The following HNF4G variants were observed in gnomAD, a reference collection of about 807,000 sequenced individuals.
HNF4G encodes hepatocyte nuclear factor 4-gamma.
HNF4G carries 21 observed loss-of-function variants against 50.9 expected under a neutral mutation model. The ratio of observed to expected loss-of-function variants is 0.41; its 90% CI spans 0.29 to 0.59. The LOEUF (loss-of-function observed/expected upper bound fraction) is 0.59, where lower values mean the gene tolerates loss of function less well. HNF4G is among the 20% of genes least tolerant of loss of function. The probability of loss-of-function intolerance (pLI) is 0.26; values close to 1 mark genes in which losing one functional copy is unlikely to be tolerated. For synonymous variants in HNF4G, 198 were observed against 185.6 expected (o/e 1.07, Z -0.54); for missense variants, 527 against 559.4 (o/e 0.94, Z 0.58).
chr8:75,554,577 C>T (rs532870273), intron 5 of HNF4G, among the ~76,000 whole-genome samples: 10 of 151,980 alleles, frequency 6.6e-5, no homozygotes, highest in Non-Finnish European at 1.0e-4. Flanking sequence ...TAAAACTGAA[C>T]CCTAGATCAG....
intron 1 of HNF4G, among the ~76,000 whole-genome samples, chr8:75,473,972 G>T (rs1177751049): frequency 1.3e-5 from 2 of 152,038 alleles, no homozygotes; most frequent in Admixed American, 6.6e-5. Flanking sequence ...AACAAAGAAA[G>T]CATTAAGAGA....
intron 2 of HNF4G, among the ~76,000 whole-genome samples, chr8:75,501,343 G>A (rs1256638009): frequency 6.6e-6 from 1 of 152,142 alleles, no homozygotes; most frequent in African/African-American, 2.4e-5. Flanking sequence ...CTACTTGGGA[G>A]GCTGAGGCCA....
At chr8:75,415,624 C>T (rs987902627) in intron 1 of HNF4G, among the ~76,000 whole-genome samples, 6 of 152,130 alleles carry the variant, frequency 3.9e-5, no homozygotes, top group South Asian at 2.1e-4. Flanking sequence ...TTTATATACA[C>T]GGTCTACAGT....
chr8:75,556,352 A>G (rs1807125932), intron 6 of HNF4G, among the ~76,000 whole-genome samples: 1 of 152,202 alleles, frequency 6.6e-6, no homozygotes, highest in Non-Finnish European at 1.5e-5. Context: ...AAATTATATC[A>G]GAATGAATAA....
In HNF4G at chr8:75,551,434, T is replaced by C; in HGVS notation, c.429T>C (p.Phe143=). The change falls in exon 4 of 10, where the codon TTT becomes TTC. Residue 143 remains phenylalanine (F), a synonymous_variant. Coordinates refer to ENST00000396423, the MANE Select transcript of HNF4G (RefSeq NM_004133.5). ...GAATAAGCACCAGAAGAAGCACATT[T>C]GATGGCAGCAACATCCCCTCCATTA... The part of the protein sequence containing the change: ...RDRISTRRST[F]DGSNIPSINT... 1 of 1,613,636 alleles carries C rather than the reference T, an allele frequency of 6.2e-7. No individual in the cohort carries two copies. The highest frequency in any genetic ancestry group is 8.5e-7 in the Non-Finnish European group (1 of 1,179,654).
chr8:75,557,848 A>G (rs1807178654), intron 6 of HNF4G, among the ~76,000 whole-genome samples: 1 of 152,168 alleles, frequency 6.6e-6, no homozygotes, highest in Non-Finnish European at 1.5e-5. Flanking sequence ...AAAAATTTTC[A>G]TCATATTATA....
chr8:75,503,648 T>C (rs1812989695), intron 2 of HNF4G, among the ~76,000 whole-genome samples: 7 of 152,228 alleles, frequency 4.6e-5, no homozygotes, highest in Admixed American at 4.6e-4. Flanking sequence ...GTGTTGTACC[T>C]ATAAATACCC....
chr8:75,422,178 T>C (rs993434278), intron 1 of HNF4G, among the ~76,000 whole-genome samples: 2 of 152,178 alleles, frequency 1.3e-5, no homozygotes, highest in African/African-American at 4.8e-5. Flanking sequence ...GTATTTTACC[T>C]TTACAGTGTC....
intron 1 of HNF4G, among the ~76,000 whole-genome samples, chr8:75,465,974 T>A (rs1811960082): frequency 6.6e-6 from 1 of 152,156 alleles, no homozygotes. Context: ...TGTGTGCATC[T>A]GATGAAATAA....
At chr8:75,557,001 G>T (rs951348864) in intron 6 of HNF4G, among the ~76,000 whole-genome samples, 21 of 152,124 alleles carry the variant, frequency 1.4e-4, no homozygotes, top group Non-Finnish European at 2.4e-4. Context: ...AGGTCACAAA[G>T]CTAGAAAATA....
At chr8:75,448,454 A>C (rs528635849) in intron 1 of HNF4G, among the ~76,000 whole-genome samples, 2 of 130,556 alleles carry the variant, frequency 1.5e-5, no homozygotes, top group South Asian at 4.9e-4. Flanking sequence ...AGTGTCAGAC[A>C]TGATACAAGA....
At chr8:75,550,148 T>C (rs1399563) in intron 3 of HNF4G, among the ~76,000 whole-genome samples, 31,403 of 152,114 alleles carry the variant, frequency 0.21, 3,426 homozygotes, top group Middle Eastern at 0.22. Context: ...AAAAAAATGA[T>C]ATTTTAATGC....
At chr8:75,515,759 G>C (rs1805870775) in intron 2 of HNF4G, among the ~76,000 whole-genome samples, 1 of 151,884 alleles carries the variant, frequency 6.6e-6, no homozygotes, top group Non-Finnish European at 1.5e-5. Flanking sequence ...GACATTCATG[G>C]GGGCCACCAT....
intron 2 of HNF4G, among the ~76,000 whole-genome samples, chr8:75,501,540 T>C (rs957618174): frequency 6.6e-6 from 1 of 152,184 alleles, no homozygotes; most frequent in South Asian, 2.1e-4. Flanking sequence ...ATAGTTTTGT[T>C]ATTTTTTTCA....
chr8:75,557,492 G>T (rs575082338), intron 6 of HNF4G, among the ~76,000 whole-genome samples: 2 of 152,190 alleles, frequency 1.3e-5, no homozygotes, highest in Admixed American at 1.3e-4. Context: ...GTGGTGGCGG[G>T]AGCCTGTAAT....
intron 1 of HNF4G, among the ~76,000 whole-genome samples, chr8:75,435,750 C>T (rs746633885): frequency 3.3e-5 from 5 of 152,112 alleles, no homozygotes; most frequent in Non-Finnish European, 5.9e-5. Context: ...TGCACCACCA[C>T]ACCCAGCTAA....
At chr8:75,444,351 TA>T (rs1339222757) in intron 1 of HNF4G, among the ~76,000 whole-genome samples, 1 of 151,510 alleles carries the variant, frequency 6.6e-6, no homozygotes, top group Non-Finnish European at 1.5e-5. Flanking sequence ...CCATTGAGAC[TA>T]GGAAGAAACT....
chr8:75,417,038 A>G (rs1436646692), intron 1 of HNF4G, among the ~76,000 whole-genome samples: 3 of 152,208 alleles, frequency 2.0e-5, no homozygotes, highest in Non-Finnish European at 4.4e-5. Flanking sequence ...TCTTCTTTAT[A>G]TTAATATTTC....
rs1182226112 is a variant in HNF4G, at chr8:75,542,952, TAGGTGGGCAGACCGCCTGCTG to T, written c.119-840_119-820del. On this transcript the variant is annotated intron_variant, in intron 1 of 9. Transcript: ENST00000396423. ...CTATAATTTCAGCACTTTGGGATTA[TAGGTGGGCAGACCGCCTGCTG>T]AGGTGGGCAGACCGCCTGAGGTCAG... Among the ~76,000 whole-genome samples, 12 of 152,202 alleles carry T rather than the reference TAGGTGGGCAGACCGCCTGCTG, an allele frequency of 7.9e-5. No individual in the cohort carries two copies. In the South Asian group the frequency reaches 1.5e-3, roughly 18 times the overall value.
Sources: allele counts gnomAD v4.1 joint callset (sites outside exome capture counted in the v4.1 genomes callset), GRCh38; gene constraint gnomAD v4.1.1; transcripts MANE v1.5; gene names NCBI Gene and HGNC (gene_info 2026-07-23, HGNC 2026-07-21).